CADM2: variants seen among roughly 807,000 people sequenced by gnomAD.
CADM2 encodes cell adhesion molecule 2, also known as immunoglobulin superfamily member 4D.
CADM2 carries 12 observed loss-of-function variants against 49.8 expected under a neutral mutation model. The observed-to-expected ratio is 0.24, with a 90% CI of 0.15 to 0.39. The LOEUF (loss-of-function observed/expected upper bound fraction) is 0.39. Among genes scored for constraint, CADM2 ranks in the 10% least tolerant of loss-of-function variants. CADM2 has a pLI of 1.00. For missense variants in CADM2, 378 were observed against 492.3 expected (o/e 0.77, Z 2.20); for synonymous variants, 214 against 175.4 (o/e 1.22, Z -1.74).
At chr3:85,215,267 G>C (rs925903549) in intron 1 of CADM2, among the ~76,000 whole-genome samples, 3 of 149,408 alleles carry the variant, frequency 2.0e-5, no homozygotes, top group African/African-American at 7.4e-5. Context: ...GGGAACTAGG[G>C]TCTGGAATAG....
At chr3:85,078,898 TCATATA>T (rs2107494705) in intron 1 of CADM2, among the ~76,000 whole-genome samples, 1 of 151,952 alleles carries the variant, frequency 6.6e-6, no homozygotes, top group Admixed American at 6.6e-5. Context: ...CCAGGGTGTC[TCATATA>T]ATACAGAAAT....
chr3:85,030,049 T>C (rs1421740273), intron 1 of CADM2, among the ~76,000 whole-genome samples: 1 of 152,196 alleles, frequency 6.6e-6, no homozygotes, highest in Admixed American at 6.5e-5. Context: ...CTTCCTCTGC[T>C]CCAGTCTACT....
chr3:85,099,012 T>C (rs1429494981), intron 1 of CADM2, among the ~76,000 whole-genome samples: 1 of 152,182 alleles, frequency 6.6e-6, no homozygotes, highest in African/African-American at 2.4e-5. Context: ...TGAGTTTGGT[T>C]CCTGTAATAC....
chr3:85,681,665 C>T lies in CADM2; in HGVS notation c.62-44857C>T, dbSNP rs116098983. Among the ~76,000 whole-genome samples the T allele has an allele frequency of 1.7e-3, 263 of 152,144 alleles. 1 individual carries two copies. Among genetic ancestry groups the T allele is most frequent in the African/African-American group, 5.9e-3 (244 of 41,516 alleles). On this transcript the variant is annotated intron_variant, in intron 1 of 9. Coordinates refer to ENST00000383699, the MANE Select transcript of CADM2 (RefSeq NM_001167675.2). ...GCTATGAAATTAACACTAGTGGAGT[C>T]AAATGATTTCTCAAATTTTCATGAT...
intron 1 of CADM2, among the ~76,000 whole-genome samples, chr3:84,972,874 A>G (rs913061991): frequency 2.6e-5 from 4 of 152,106 alleles, no homozygotes; most frequent in Non-Finnish European, 5.9e-5. Flanking sequence ...ATCAAAATAC[A>G]TAATTCCTTT....
intron 1 of CADM2, among the ~76,000 whole-genome samples, chr3:84,960,711 G>C (rs2030428523): frequency 6.6e-6 from 1 of 152,182 alleles, no homozygotes; most frequent in Admixed American, 6.5e-5. Context: ...GGATGGCTAA[G>C]GAATCTGGGT....
Position 85,963,314 on chromosome 3 carries a change from A to G in CADM2, c.970+1667A>G, listed in dbSNP as rs1008928620. Reference sequence around the variant, plus strand: ...TTGGAAAAATTAGCCTAATCCAATTAGACTGATAAATTGTATTTAAATGTG... The same window carrying G: ...TTGGAAAAATTAGCCTAATCCAATTGGACTGATAAATTGTATTTAAATGTG... On this transcript the variant is annotated intron_variant, in intron 8 of 9. Transcript: ENST00000383699. Among the ~76,000 whole-genome samples the G allele has an allele frequency of 2.6e-5, 4 of 152,002 alleles. No homozygotes were observed. The East Asian group carries it at 7.8e-4, about 30-fold the overall frequency.
chr3:85,497,425 TC>T (rs1426844227), intron 1 of CADM2, among the ~76,000 whole-genome samples: 1 of 152,096 alleles, frequency 6.6e-6, no homozygotes, highest in Non-Finnish European at 1.5e-5. Context: ...AAGGGAAAGT[TC>T]TAAAAAATTA....
chr3:85,806,942 T>C (rs2072470071), intron 3 of CADM2, among the ~76,000 whole-genome samples: 1 of 152,106 alleles, frequency 6.6e-6, no homozygotes, highest in Admixed American at 6.5e-5. Flanking sequence ...ATCAGTAGCT[T>C]GTGTCCATTG....
At position 85,469,705 on chromosome 3, in the gene CADM2, C is replaced by T. The variant is rs138084807; in HGVS notation, c.62-256817C>T. ...AGTTATAGGGTATCATGCATTATCACCATTGGCAATTACAAAGAAAACCAG... is the reference window on the plus strand; with the variant it reads ...AGTTATAGGGTATCATGCATTATCATCATTGGCAATTACAAAGAAAACCAG... On this transcript the variant is annotated intron_variant, in intron 1 of 9. Coordinates refer to ENST00000383699, the MANE Select transcript of CADM2 (RefSeq NM_001167675.2). 2.0e-5 allele frequency among the ~76,000 whole-genome samples: 3 copies of T among 152,242 alleles called. No homozygotes were observed. In the East Asian group the frequency reaches 5.8e-4, roughly 29 times the overall value.
rs1198737822 is a variant in CADM2 at position 85,365,186 on chromosome 3, T to G, written c.62-361336T>G. Among the ~76,000 whole-genome samples the G allele has an allele frequency of 8.6e-5, 11 of 128,480 alleles. No individual in the cohort carries two copies. In the East Asian group the frequency reaches 2.5e-3, roughly 29 times the overall value. 84.3% of individuals were successfully genotyped at this position (128,480 alleles called of 152,430 possible). A position where few individuals can be genotyped will look rare whatever the true frequency, so the allele number is the denominator to read the frequency against. Reference sequence around the variant, plus strand: ...GGTGGGTCAAGAATTGGGAGGGTTTTTTTTTTTTTTTACTTTTTTTTTTTT... The same window carrying G: ...GGTGGGTCAAGAATTGGGAGGGTTTGTTTTTTTTTTTACTTTTTTTTTTTT... On this transcript the variant is annotated intron_variant, in intron 1 of 9. Transcript: ENST00000383699.
intron 1 of CADM2, among the ~76,000 whole-genome samples, chr3:85,678,703 A>G (rs1651715774): frequency 6.6e-6 from 1 of 152,212 alleles, no homozygotes; most frequent in Admixed American, 6.5e-5. Flanking sequence ...GCAACGTAAT[A>G]TTGGCAAACA....
intron 1 of CADM2, among the ~76,000 whole-genome samples, chr3:85,648,592 T>C (rs2064958184): frequency 6.6e-6 from 1 of 152,046 alleles, no homozygotes; most frequent in African/African-American, 2.4e-5. Flanking sequence ...ATGTGGGGCA[T>C]ATAACTTTGT....
intron 1 of CADM2, among the ~76,000 whole-genome samples, chr3:85,382,456 G>A (rs2033960423): frequency 6.6e-6 from 1 of 152,070 alleles, no homozygotes; most frequent in South Asian, 2.1e-4. Flanking sequence ...TAGTCTAAAA[G>A]CAGTTTTCTT....
chr3:85,407,485 C>A (rs958015549), intron 1 of CADM2, among the ~76,000 whole-genome samples: 7 of 152,134 alleles, frequency 4.6e-5, no homozygotes, highest in Admixed American at 4.6e-4. Context: ...TCTCACTCAC[C>A]TTTTACTATT....
intron 1 of CADM2, among the ~76,000 whole-genome samples, chr3:85,134,422 C>T (rs1393500794): frequency 6.6e-6 from 1 of 152,266 alleles, no homozygotes; most frequent in South Asian, 2.1e-4. Context: ...GCTGTCACCT[C>T]TCAATACCAC....
chr3:85,604,848 A>G (rs2063504236), intron 1 of CADM2, among the ~76,000 whole-genome samples: 1 of 152,038 alleles, frequency 6.6e-6, no homozygotes, highest in African/African-American at 2.4e-5. Flanking sequence ...GTAATCAAAC[A>G]GCTGTGATAC....
At chr3:85,512,106 A>C (rs1360409453) in intron 1 of CADM2, among the ~76,000 whole-genome samples, 1 of 152,010 alleles carries the variant, frequency 6.6e-6, no homozygotes, top group Non-Finnish European at 1.5e-5. Flanking sequence ...CCCATCACCC[A>C]GGTAGTGAGC....
chr3:85,105,390 A>G (rs1248607097), intron 1 of CADM2, among the ~76,000 whole-genome samples: 1 of 152,196 alleles, frequency 6.6e-6, no homozygotes, highest in Non-Finnish European at 1.5e-5. Context: ...TCAAAACCAC[A>G]ATGAGATACC....
Sources: gnomAD v4.1 joint callset for allele counts (sites outside exome capture counted in the v4.1 genomes callset) on GRCh38, gnomAD v4.1.1 for gene constraint, MANE v1.5 for transcripts, NCBI Gene and HGNC (gene_info 2026-07-23, HGNC 2026-07-21) for gene names.